The following NEK11 variants were observed in gnomAD, a reference collection of about 807,000 sequenced individuals.
NEK11 encodes NIMA related kinase 11, also known as serine/threonine-protein kinase Nek11.
A neutral mutation model predicts 80.7 loss-of-function variants in NEK11; 72 were observed. The ratio of observed to expected loss-of-function variants is 0.89; its 90% CI spans 0.74 to 1.08. The LOEUF (loss-of-function observed/expected upper bound fraction) is 1.08. Among genes scored for constraint, NEK11 ranks in the 50% least tolerant of loss-of-function variants. NEK11 has a pLI of 0.00. For synonymous variants in NEK11, 251 were observed against 260.7 expected, an observed-to-expected ratio of 0.96 and a Z score of 0.36; for missense variants, 764 against 763.6, an observed-to-expected ratio of 1.00 and a Z score of -0.01.
chr3:131,257,947 T>G (rs538333951), intron 16 of NEK11, among the ~76,000 whole-genome samples: 5 of 152,176 alleles, frequency 3.3e-5, no homozygotes, highest in Admixed American at 3.3e-4. Context: ...AAAGAAAATG[T>G]GGTATATATA....
chr3:131,297,507 T>C (rs2096608820), intron 17 of NEK11, among the ~76,000 whole-genome samples: 1 of 152,080 alleles, frequency 6.6e-6, no homozygotes, highest in Admixed American at 6.6e-5. Flanking sequence ...TTTGATGGGG[T>C]TGTTTGATTT....
intron 14 of NEK11, among the ~76,000 whole-genome samples, chr3:131,172,425 A>G (rs1315006772): frequency 6.6e-6 from 1 of 152,230 alleles, no homozygotes. Flanking sequence ...AGAGCTGTTA[A>G]AGCCTGTGCT....
intron 11 of NEK11, 73 bp from the exon 12 acceptor site, chr3:131,165,353 C>A: frequency 1.1e-6 from 1 of 918,928 alleles, no homozygotes; most frequent in Non-Finnish European, 1.7e-6. Flanking sequence ...ATAAGGATCA[C>A]ACTCATCTGT....
At chr3:131,121,527 G>A (rs887654905) in intron 5 of NEK11, among the ~76,000 whole-genome samples, 7 of 152,176 alleles carry the variant, frequency 4.6e-5, no homozygotes, top group Non-Finnish European at 8.8e-5. Flanking sequence ...AGACAGGGAC[G>A]TTTAAGTCTG....
At chr3:131,177,650 A>G (rs988131650) in intron 14 of NEK11, among the ~76,000 whole-genome samples, 9 of 152,194 alleles carry the variant, frequency 5.9e-5, no homozygotes, top group Admixed American at 2.0e-4. Context: ...AACATATCCT[A>G]TGCTGCCTTA....
chr3:131,348,209 T>G (rs914751050), intron 17 of NEK11, among the ~76,000 whole-genome samples: 3 of 152,046 alleles, frequency 2.0e-5, no homozygotes, highest in African/African-American at 7.2e-5. Flanking sequence ...TCCCCTAAAA[T>G]GTAAAAGCCT....
chr3:131,142,946 C>CA (rs1164836955), intron 7 of NEK11, among the ~76,000 whole-genome samples: 3 of 152,106 alleles, frequency 2.0e-5, no homozygotes, highest in Non-Finnish European at 2.9e-5. Flanking sequence ...AAAATTCACC[C>CA]AAACCTTGTT....
Position 131,034,565 on chromosome 3 carries a change from A to G in NEK11, c.170+4687A>G, listed in dbSNP as rs537830241. On this transcript the variant is annotated intron_variant, in intron 3 of 17. Coordinates refer to ENST00000383366, the MANE Select transcript of NEK11 (RefSeq NM_024800.5). ...CAGGCGCCCGCCACCACACCCGGCTAATTTTTTGTATTTTTAGTAGAGATG... is the reference window on the plus strand; with the variant it reads ...CAGGCGCCCGCCACCACACCCGGCTGATTTTTTGTATTTTTAGTAGAGATG... Among the ~76,000 whole-genome samples, 31 of 152,166 alleles carry G rather than the reference A, an allele frequency of 2.0e-4. No homozygotes were observed. In the East Asian group the frequency reaches 3.5e-3, roughly 17 times the overall value.
intron 14 of NEK11, among the ~76,000 whole-genome samples, chr3:131,225,999 A>G (rs72989887): frequency 0.099 from 15,058 of 152,238 alleles, 1,185 homozygotes; most frequent in East Asian, 0.22. Context: ...GAAGATAAAG[A>G]AAAAATGGGA....
At chr3:131,209,008 A>G (rs1465774428) in intron 14 of NEK11, among the ~76,000 whole-genome samples, 1 of 152,196 alleles carries the variant, frequency 6.6e-6, no homozygotes, top group Non-Finnish European at 1.5e-5. Context: ...TATGTTGAAT[A>G]GGAGTGGTGA....
At chr3:131,189,823 C>T (rs1392965495) in intron 14 of NEK11, among the ~76,000 whole-genome samples, 1 of 152,112 alleles carries the variant, frequency 6.6e-6, no homozygotes, top group Non-Finnish European at 1.5e-5. Flanking sequence ...ATATTGATGT[C>T]ATAGCATTAC....
At chr3:131,068,738 C>G (rs992381572) in intron 3 of NEK11, among the ~76,000 whole-genome samples, 1 of 152,188 alleles carries the variant, frequency 6.6e-6, no homozygotes, top group African/African-American at 2.4e-5. Context: ...AAACTAGATC[C>G]TTCCTAGTAG....
intron 16 of NEK11, among the ~76,000 whole-genome samples, chr3:131,244,705 C>T (rs1254099688): frequency 2.0e-5 from 3 of 151,930 alleles, no homozygotes; most frequent in East Asian, 1.9e-4. Flanking sequence ...GAGGATCACT[C>T]GAGGTCAGGA....
rs1471953717 is a variant in NEK11 at position 131,168,843 on chromosome 3, T to G, written c.1190T>G (p.Leu397Ter). The G allele has an allele frequency of 6.8e-6, 11 of 1,613,268 alleles. No homozygotes were observed. The highest frequency in any genetic ancestry group is 9.3e-6 in the Non-Finnish European group (11 of 1,179,516). Residue 397 changes from leucine to a stop codon, truncating the protein, a stop_gained, in exon 13 of 18, where the codon TTA (leucine) becomes TGA (stop). Transcript: ENST00000383366. LOFTEE classifies it high-confidence loss of function. ...SVDVLHEKTH[L>*]KGMEEKEEQP... is the part of the protein sequence containing the mutation. ...TAATCTCTTTAGGAAAAAACACATT[T>G]AAAAGGAATGGAAGAAAAGGAGGAG...
At position 131,029,861 on chromosome 3, in the gene NEK11, CA is replaced by C; in HGVS notation, c.156del (p.Lys52AsnfsTer6). The C allele has an allele frequency of 6.2e-7, 1 of 1,614,142 alleles. No homozygotes were observed. The highest frequency in any genetic ancestry group is 8.5e-7 in the Non-Finnish European group (1 of 1,180,006). On this transcript the variant is annotated frameshift_variant, in exon 3 of 18. Transcript: ENST00000383366. LOFTEE classifies it high-confidence loss of function. Reference protein sequence around the residue: ...TVYLVSDKKAKRGEELKVLKE... With the variant: ...TVYLVSDKKAXRGEELKVLKE... ...TCTATCTGGTTTCAGACAAGAAAGC[CA>C]AACGAGGAGAGGAATTGTAAGTAAA... is the stretch of plus-strand genomic sequence containing the variant.
At chr3:131,287,613 T>A (rs1036809136) in intron 17 of NEK11, among the ~76,000 whole-genome samples, 3 of 152,140 alleles carry the variant, frequency 2.0e-5, no homozygotes, top group Admixed American at 1.3e-4. Context: ...CTAAGATTTT[T>A]AAGGCCCCGG....
At chr3:131,279,717 T>C (rs2108793767) in intron 17 of NEK11, among the ~76,000 whole-genome samples, 1 of 152,316 alleles carries the variant, frequency 6.6e-6, no homozygotes, top group African/African-American at 2.4e-5. Context: ...TAGACCCCCA[T>C]TGTAACTGGA....
chr3:131,330,927 G>GA (rs1554017961), intron 17 of NEK11: 16 of 97,594 alleles, frequency 1.6e-4, no homozygotes, highest in African/African-American at 7.3e-4. Flanking sequence ...AGAGAAGGAA[G>GA]GGGGGGGGGC....
At chr3:131,163,453 C>T (rs2091877508) in intron 11 of NEK11, among the ~76,000 whole-genome samples, 1 of 151,952 alleles carries the variant, frequency 6.6e-6, no homozygotes, top group African/African-American at 2.4e-5. Flanking sequence ...CATGGATGAA[C>T]CTGGAGGACA....
Sources: allele counts gnomAD v4.1 joint callset (sites outside exome capture counted in the v4.1 genomes callset), GRCh38; gene constraint gnomAD v4.1.1; transcripts MANE v1.5; gene names NCBI Gene and HGNC (gene_info 2026-07-23, HGNC 2026-07-21).